RRBP1: variants seen among roughly 807,000 people sequenced by gnomAD.
The protein encoded by RRBP1 is ribosome-binding protein 1.
Under a neutral mutation model 165.2 loss-of-function variants are expected in RRBP1, and 94 were observed. The observed-to-expected ratio is 0.57, with a 90% CI of 0.48 to 0.68. The LOEUF is 0.68. Among genes scored for constraint, RRBP1 ranks in the 30% least tolerant of loss-of-function variants. The probability of loss-of-function intolerance (pLI) is 0.00; values close to 1 mark genes in which losing one functional copy is unlikely to be tolerated. For missense variants in RRBP1, 1,676 were observed against 1,763.0 expected (o/e 0.95, Z 0.88); for synonymous variants, 680 against 714.5 (o/e 0.95, Z 0.77).
At chr20:17,621,383 T>A in intron 16 of RRBP1, 75 bp downstream of exon 16, 1 of 1,153,222 alleles carries the variant, frequency 8.7e-7, no homozygotes, top group South Asian at 1.3e-5. Context: ...GGCCACCTCC[T>A]GCCCCATAGG....
At chr20:17,624,237 C>A (rs941147385) in intron 13 of RRBP1, among the ~76,000 whole-genome samples, 1 of 152,180 alleles carries the variant, frequency 6.6e-6, no homozygotes, top group African/African-American at 2.4e-5. Context: ...CGGGGTCTGG[C>A]GTGGACTCAG....
intron 18 of RRBP1, 30 bp from the exon 19 acceptor site, chr20:17,619,758 T>C: frequency 6.6e-7 from 1 of 1,525,632 alleles, no homozygotes; most frequent in South Asian, 1.2e-5. Context: ...CGCACACGCA[T>C]GCGCCAGCAG....
Position 17,624,456 on chromosome 20 carries a change from T to C in RRBP1, c.3147+120A>G, listed in dbSNP as rs565097447. On this transcript the variant is annotated intron_variant, in intron 13 of 24. Coordinates refer to ENST00000377813, the MANE Select transcript of RRBP1 (RefSeq NM_001365613.2). Reference sequence around the variant, plus strand: ...CGTTCCTAGTGCCTCTGTATGTCTGTCCTAGTGCATCTGTGCGTCCTAGAG... The same window carrying C: ...CGTTCCTAGTGCCTCTGTATGTCTGCCCTAGTGCATCTGTGCGTCCTAGAG... 268 of 701,108 alleles carry C rather than the reference T, an allele frequency of 3.8e-4. 2 individuals carry two copies. The Admixed American group carries it at 4.8e-3, about 12-fold the overall frequency. 43.4% of individuals were successfully genotyped at this position (701,108 alleles called of 1,614,324 possible).
Position 17,660,272 on chromosome 20 carries a change from G to A in RRBP1, c.236C>T (p.Pro79Leu), listed in dbSNP as rs1222773232. The A allele has an allele frequency of 6.2e-7, 1 of 1,607,870 alleles. No homozygotes were observed. Among genetic ancestry groups the A allele is most frequent in the Admixed American group, 1.7e-5 (1 of 58,718 alleles). ...ATCATGATCAGGTATCTTCCCATTA[G>A]GTTTCTCTTCCTTTTTCTTGGTCTT... ...KGKTKKKEEK[P>L]NGKIPDHDPA... The change falls in exon 3 of 25, where the codon CCT (proline) becomes CTT (leucine). Residue 79 changes from proline to leucine, a missense_variant. Pro to Leu is a moderately conservative substitution (Grantham distance 98, BLOSUM62 -3). Coordinates refer to ENST00000377813, the MANE Select transcript of RRBP1 (RefSeq NM_001365613.2).
At chr20:17,624,321 TGTCCTAGTGCGTCTGTAC>T (rs2035971567) in intron 13 of RRBP1, among the ~76,000 whole-genome samples, 1 of 152,334 alleles carries the variant, frequency 6.6e-6, no homozygotes, top group Non-Finnish European at 1.5e-5. Flanking sequence ...TGCGTCTGTG[TGTCCTAGTGCGTCTGTAC>T]GTCCTAGTGC....
intron 23 of RRBP1, among the ~76,000 whole-genome samples, chr20:17,615,219 G>A (rs1251291977): frequency 1.3e-5 from 2 of 152,198 alleles, no homozygotes; most frequent in African/African-American, 2.4e-5. Flanking sequence ...CATTTCGACA[G>A]CCACCAGGAC....
chr20:17,635,435 ATGT>A (rs2036229892), intron 7 of RRBP1, 108 bp downstream of exon 7: 3 of 784,272 alleles, frequency 3.8e-6, no homozygotes, highest in Non-Finnish European at 6.2e-6. Flanking sequence ...CTCCGCACAC[ATGT>A]AGGGCCCATG....
At chr20:17,619,582 G>T in intron 19 of RRBP1, 51 bp downstream of exon 19, 1 of 1,335,674 alleles carries the variant, frequency 7.5e-7, no homozygotes, top group Non-Finnish European at 1.1e-6. Flanking sequence ...AGCTCAGGGA[G>T]GACCGCAGAT....
At chr20:17,664,843 T>C (rs12625919) in intron 2 of RRBP1, among the ~76,000 whole-genome samples, 10,595 of 152,176 alleles carry the variant, frequency 0.07, 464 homozygotes, top group Middle Eastern at 0.11. Flanking sequence ...CCCAGATCCA[T>C]TTCCTGGGCA....
Position 17,658,838 on chromosome 20 carries a change from C to A in RRBP1, c.1670G>T (p.Gly557Val), listed in dbSNP as rs759202619. ...GTTTGTAATACCCTCTACCTTTGTG[C>A]CCTGATTAGCAACCGAATCTGCCTT... is the stretch of plus-strand genomic sequence containing the variant. ...GKKADSVANQ[G>V]TKVEGITNQG... Residue 557 changes from glycine to valine, a missense_variant, in exon 3 of 25, where the codon GGC becomes GTC. Gly to Val is a moderately radical substitution (Grantham distance 109). This residue lies in a region of RRBP1 where 1,184 missense variants were observed against 1,167.1 expected (regional missense o/e 1.01). Transcript: ENST00000377813. 3 of 1,613,980 alleles carry A rather than the reference C, an allele frequency of 1.9e-6. No individual in the cohort carries two copies. Among genetic ancestry groups the A allele is most frequent in the East Asian group, 2.2e-5 (1 of 44,880 alleles).
At position 17,620,369 on chromosome 20, in the gene RRBP1, G is replaced by A; in HGVS notation, c.3509C>T (p.Ser1170Phe). The A allele has an allele frequency of 1.2e-6, 2 of 1,613,516 alleles. No individual in the cohort carries two copies. Among genetic ancestry groups the A allele is most frequent in the Non-Finnish European group, 8.5e-7 (1 of 1,179,702 alleles). ...TTCGAGATGCTTCACTGTGACCCGG[G>A]ACTACAAAGCAAGGGGAAGGCTCCG... ...VGAAEEELQK[S>F]RVTVKHLEEI... is the part of the protein sequence containing the mutation. The change falls in exon 18 of 25, where the codon TCC becomes TTC. Residue 1170 changes from serine to phenylalanine, a missense_variant and splice_region_variant. Physicochemically the swap from Ser to Phe is radical, Grantham distance 155. Coordinates refer to ENST00000377813, the MANE Select transcript of RRBP1 (RefSeq NM_001365613.2).
At chr20:17,678,006 CA>C (rs1418354228) in intron 2 of RRBP1, among the ~76,000 whole-genome samples, 1 of 152,096 alleles carries the variant, frequency 6.6e-6, no homozygotes, top group African/African-American at 2.4e-5. Flanking sequence ...CTAGTCTTGC[CA>C]AAAAAATCTA....
At chr20:17,636,985 T>A (rs1379886360) in intron 5 of RRBP1, among the ~76,000 whole-genome samples, 1 of 152,214 alleles carries the variant, frequency 6.6e-6, no homozygotes, top group Non-Finnish European at 1.5e-5. Context: ...AGGTGGCAGA[T>A]GCGGCAGGAA....
intron 12 of RRBP1, 109 bp from the exon 13 acceptor site, chr20:17,624,777 C>A: frequency 1.3e-6 from 1 of 763,162 alleles, no homozygotes; most frequent in Non-Finnish European, 2.2e-6. Context: ...GCCACCCTGG[C>A]CCACAGAGGA....
intron 2 of RRBP1, among the ~76,000 whole-genome samples, chr20:17,672,726 T>G (rs961911913): frequency 6.6e-6 from 1 of 152,176 alleles, no homozygotes; most frequent in Non-Finnish European, 1.5e-5. Flanking sequence ...GCGGCATTAA[T>G]AGCCCCAAAC....
At chr20:17,665,808 G>A (rs1210947395) in intron 2 of RRBP1, among the ~76,000 whole-genome samples, 2 of 152,180 alleles carry the variant, frequency 1.3e-5, no homozygotes, top group African/African-American at 4.8e-5. Flanking sequence ...CTGTTTATAA[G>A]TTATTTTCTT....
chr20:17,614,807 T>C lies in RRBP1; in HGVS notation c.4124A>G (p.Lys1375Arg), dbSNP rs370770385. 94 of 1,613,798 alleles carry C rather than the reference T, an allele frequency of 5.8e-5. No individual in the cohort carries two copies. Among genetic ancestry groups the C allele is most frequent in the Non-Finnish European group, 7.6e-5 (90 of 1,180,034 alleles). The change falls in exon 24 of 25, where the codon AAG becomes AGG. Residue 1375 changes from lysine (K) to arginine (R), a missense_variant. Transcript: ENST00000377813. ...RAATRLQELL[K>R]TTQEQLAREK... ...CCTTGCCAGCTGCTCCTGGGTCGTC[T>C]TCAGAAGCTCCTGCAGTCTCGTGGC...
rs143525189 is a variant in RRBP1 at position 17,639,848 on chromosome 20, G to A, written c.2184+1949C>T. Among the ~76,000 whole-genome samples the A allele has an allele frequency of 2.2e-3, 321 of 148,990 alleles. 1 individual carries two copies. The highest frequency in any genetic ancestry group is 7.5e-3 in the African/African-American group (303 of 40,420). On this transcript the variant is annotated intron_variant, in intron 5 of 24. Transcript: ENST00000377813. ...GCGGAGGTTGCAGTGAGCCAAGATC[G>A]TGCCATTGCACTCCAGCCTGGGCAA...
chr20:17,669,009 T>A (rs1172282917), intron 2 of RRBP1, among the ~76,000 whole-genome samples: 1 of 151,126 alleles, frequency 6.6e-6, no homozygotes, highest in African/African-American at 2.5e-5. Flanking sequence ...TTAAGTGCAA[T>A]CTCTGATTTT....
Sources: gnomAD v4.1 joint callset for allele counts (sites outside exome capture counted in the v4.1 genomes callset) on GRCh38, gnomAD v4.1.1 for gene constraint, gnomAD v4.1.1 regional missense constraint, MANE v1.5 for transcripts, NCBI Gene and HGNC (gene_info 2026-07-23, HGNC 2026-07-21) for gene names.